PLXNA1: variants seen among roughly 807,000 people sequenced by gnomAD.
The protein encoded by PLXNA1 is plexin-A1.
A neutral mutation model predicts 191.7 loss-of-function variants in PLXNA1; 77 were observed. The ratio of observed to expected loss-of-function variants is 0.40; its 90% CI spans 0.33 to 0.49. The LOEUF is 0.49. Among genes scored for constraint, PLXNA1 ranks in the 20% least tolerant of loss-of-function variants. The pLI, the probability that PLXNA1 is intolerant of heterozygous loss-of-function variation, is 0.63. For missense variants in PLXNA1, 2,110 were observed against 2,660.2 expected (o/e 0.79, Z 4.55); for synonymous variants, 1,137 against 1,156.4 (o/e 0.98, Z 0.34).
At chr3:127,031,963 T>G (rs1576693820) in intron 29 of PLXNA1, 2 of 186,152 alleles carry the variant, frequency 1.1e-5, no homozygotes, top group East Asian at 1.5e-4. Flanking sequence ...GTCCCTGAGG[T>G]GGTGTTTGGG....
chr3:127,027,871 C>T (rs962229270), intron 23 of PLXNA1, 69 bp from the exon 24 acceptor site: 12 of 1,598,580 alleles, frequency 7.5e-6, no homozygotes, highest in African/African-American at 2.7e-5. Flanking sequence ...TGGCACTCGA[C>T]GGGTGGAGGG....
At chr3:126,999,360 C>T (rs1439753518) in intron 3 of PLXNA1, among the ~76,000 whole-genome samples, 1 of 152,198 alleles carries the variant, frequency 6.6e-6, no homozygotes, top group Non-Finnish European at 1.5e-5. Context: ...TGTCCTTCTC[C>T]CAGCCCTGGG....
At chr3:127,005,720 G>C (rs569625067) in intron 7 of PLXNA1, among the ~76,000 whole-genome samples, 1 of 151,738 alleles carries the variant, frequency 6.6e-6, no homozygotes, top group Admixed American at 6.6e-5. Flanking sequence ...TGGGTGAGGG[G>C]TGGGCTATGT....
intron 23 of PLXNA1, among the ~76,000 whole-genome samples, chr3:127,023,788 G>A (rs761188120): frequency 1.3e-5 from 2 of 152,156 alleles, no homozygotes; most frequent in Non-Finnish European, 2.9e-5. Context: ...CAGCAGACAG[G>A]CAATGGGGCA....
At chr3:127,018,744 C>T (rs2079138347) in intron 20 of PLXNA1, among the ~76,000 whole-genome samples, 1 of 152,244 alleles carries the variant, frequency 6.6e-6, no homozygotes, top group Non-Finnish European at 1.5e-5. Flanking sequence ...TGGGGTGCTG[C>T]TTGCGACACA....
Position 127,035,072 on chromosome 3 carries a change from G to C in PLXNA1, c.*1055G>C, listed in dbSNP as rs1380456576. 6.6e-6 allele frequency: 1 copy of C among 152,304 alleles called. No homozygotes were observed. The highest frequency in any genetic ancestry group is 1.9e-4 in the East Asian group (1 of 5,184). 9.4% of individuals were successfully genotyped at this position (152,304 alleles called of 1,614,324 possible). A position where few individuals can be genotyped will look rare whatever the true frequency, so the allele number is the denominator to read the frequency against. On this transcript the variant is annotated 3_prime_UTR_variant, in exon 32 of 32. Transcript: ENST00000393409. ...AAAAAATTCTGCTGCACTCTGCTTG[G>C]GCCTTGAGGTCTGTGGCAGGGCTCC...
chr3:126,986,614 T>C (rs2078960525), intron 1 of PLXNA1, among the ~76,000 whole-genome samples: 1 of 152,166 alleles, frequency 6.6e-6, no homozygotes, highest in Admixed American at 6.5e-5. Context: ...CTGGCTTGGC[T>C]TGGGGATGCA....
At chr3:127,032,138 GA>G (rs1451588680) in intron 29 of PLXNA1, among the ~76,000 whole-genome samples, 2 of 152,248 alleles carry the variant, frequency 1.3e-5, no homozygotes, top group Non-Finnish European at 2.9e-5. Flanking sequence ...TTGTGCAAAC[GA>G]GTGCGTTTGA....
chr3:127,032,009 T>TGGGCC (rs921739221), intron 29 of PLXNA1: 1 of 229,318 alleles, frequency 4.4e-6, no homozygotes, highest in Non-Finnish European at 8.6e-6. Context: ...ATGGGTCCCC[T>TGGGCC]GGGCCGGAGC....
chr3:127,033,248 G>A (rs765985204), intron 31 of PLXNA1, among the ~76,000 whole-genome samples: 48 of 152,228 alleles, frequency 3.2e-4, no homozygotes, highest in Non-Finnish European at 4.9e-4. Flanking sequence ...GTGAGGCCAC[G>A]TACATGGACC....
In PLXNA1 at chr3:127,020,248, G is replaced by A; in HGVS notation, c.3942G>A (p.Leu1314=). The part of the protein sequence containing the change: ...QTDIHELTND[L]DGAGIPFLDY... The stretch of plus-strand genomic sequence containing the variant: ...ACATCCACGAGCTGACCAATGACCT[G>A]GACGGTGCCGGCATCCCCTTCCTTG... The change falls in exon 21 of 32, where the codon CTG becomes CTA. Residue 1314 remains leucine, a synonymous_variant. Coordinates refer to ENST00000393409, the MANE Select transcript of PLXNA1 (RefSeq NM_032242.4). 3 of 1,613,246 alleles carry A rather than the reference G, an allele frequency of 1.9e-6. No homozygotes were observed. The South Asian group carries it at 3.3e-5, about 18-fold the overall frequency.
chr3:127,017,098 G>T, intron 17 of PLXNA1, 61 bp downstream of exon 17: 4 of 1,432,686 alleles, frequency 2.8e-6, no homozygotes, highest in Non-Finnish European at 3.9e-6. Flanking sequence ...TGGGGCTCCT[G>T]CTAGGAATAC....
rs1003447855 is a variant in PLXNA1 at position 127,016,984 on chromosome 3, A to T, written c.3223A>T (p.Thr1075Ser). ...LLTVTGTNLA[T>S]VREPRIRAKY... ...GACGGTCACAGGCACCAACCTGGCC[A>T]CTGTCCGTGAACCCCGAATCCGGGC... The change falls in exon 17 of 32, where the codon ACT (threonine) becomes TCT (serine). Residue 1075 changes from threonine to serine, a missense_variant. This residue lies in a region of PLXNA1 where 644 missense variants were observed against 714.3 expected (regional missense o/e 0.90). Coordinates refer to ENST00000393409, the MANE Select transcript of PLXNA1 (RefSeq NM_032242.4). 7 of 1,613,304 alleles carry T rather than the reference A, an allele frequency of 4.3e-6. No individual in the cohort carries two copies. In the African/African-American group the frequency reaches 8.0e-5, roughly 18 times the overall value.
At position 127,029,942 on chromosome 3, in the gene PLXNA1, C is replaced by T. The variant is rs753160279; in HGVS notation, c.4939C>T (p.Leu1647=). 1.9e-6 allele frequency: 3 copies of T among 1,613,668 alleles called. No homozygotes were observed. Among genetic ancestry groups the T allele is most frequent in the East Asian group, 2.2e-5 (1 of 44,876 alleles). Residue 1647 remains leucine (L), a synonymous_variant, in exon 28 of 32, where the codon CTG becomes TTG. Transcript: ENST00000393409. ...GCGCACGCCCATGATCACGCCCGAC[C>T]TGGAGAGCGGCACCAAGCTGTGGCA... The part of the protein sequence containing the change: ...RSRTPMITPD[L]ESGTKLWHLV...
intron 9 of PLXNA1, among the ~76,000 whole-genome samples, chr3:127,010,201 G>A (rs769840564): frequency 2.6e-5 from 4 of 152,292 alleles, no homozygotes; most frequent in East Asian, 3.9e-4. Context: ...GGGGACAACC[G>A]GACCTGGCTC....
At chr3:127,004,237 G>T (rs1352654047) in intron 4 of PLXNA1, among the ~76,000 whole-genome samples, 1 of 152,252 alleles carries the variant, frequency 6.6e-6, no homozygotes, top group Non-Finnish European at 1.5e-5. Flanking sequence ...GCCCCTCTGA[G>T]CATTGTCTGG....
chr3:127,011,994 G>C lies in PLXNA1; in HGVS notation c.2149G>C (p.Val717Leu). 6.2e-7 allele frequency: 1 copy of C among 1,613,694 alleles called. No individual in the cohort carries two copies. The highest frequency in any genetic ancestry group is 8.5e-7 in the Non-Finnish European group (1 of 1,179,982). Residue 717 changes from valine (V) to leucine (L), a missense_variant, in exon 10 of 32, where the codon GTG becomes CTG. This residue lies in a region of PLXNA1 where 903 missense variants were observed against 1,015.7 expected (regional missense o/e 0.89). Transcript: ENST00000393409. ...PQILPSTQIYVPVGVVKPITL... is the reference protein window; with the variant it reads ...PQILPSTQIYLPVGVVKPITL... ...GATCCTGCCCTCCACGCAGATCTACGTGCCAGTGGGAGTGGTAAAACCCAT... is the reference window on the plus strand; with the variant it reads ...GATCCTGCCCTCCACGCAGATCTACCTGCCAGTGGGAGTGGTAAAACCCAT...
In PLXNA1 at chr3:126,988,621, G is replaced by C; in HGVS notation, c.28G>C (p.Val10Leu). ...GCCGCTGCCACCGCGGAGCCTGCAG[G>C]TGCTCCTGCTGCTGCTGCTGTTGCT... is the stretch of plus-strand genomic sequence containing the variant. MPLPPRSLQ[V>L]LLLLLLLLLL... Residue 10 changes from valine (V) to leucine (L), a missense_variant, in exon 2 of 32, where the codon GTG (valine) becomes CTG (leucine). Physicochemically the swap from Val to Leu is conservative, Grantham distance 32. Transcript: ENST00000393409. 5 of 1,566,450 alleles carry C rather than the reference G, an allele frequency of 3.2e-6. No homozygotes were observed. Among genetic ancestry groups the C allele is most frequent in the Non-Finnish European group, 3.5e-6 (4 of 1,157,078 alleles).
Position 127,004,682 on chromosome 3 carries a change from C to G in PLXNA1, c.1590C>G (p.Pro530=). 1.3e-6 allele frequency: 2 copies of G among 1,591,412 alleles called. No homozygotes were observed. Among genetic ancestry groups the G allele is most frequent in the Non-Finnish European group, 8.6e-7 (1 of 1,169,530 alleles). Residue 530 remains proline, a synonymous_variant, in exon 5 of 32, where the codon CCC becomes CCG. Coordinates refer to ENST00000393409, the MANE Select transcript of PLXNA1 (RefSeq NM_032242.4). ...SCELCLGSRD[P]HCGWCVLHSI... is the part of the protein sequence containing the mutation. ...AGCTGTGTCTGGGGTCACGGGACCC[C>G]CACTGTGGCTGGTGTGTCCTGCACA...
Sources: allele counts gnomAD v4.1 joint callset (sites outside exome capture counted in the v4.1 genomes callset), GRCh38; gene constraint gnomAD v4.1.1; regional missense constraint gnomAD v4.1.1; transcripts MANE v1.5; gene names NCBI Gene and HGNC (gene_info 2026-07-23, HGNC 2026-07-21).